Variants in FXR2 observed in about 807,000 individuals in gnomAD.
The protein encoded by FXR2 is RNA-binding protein FXR2.
A neutral mutation model predicts 87.3 loss-of-function variants in FXR2; 9 were observed. That is an observed-to-expected ratio of 0.10 (90% CI 0.06 to 0.18). The LOEUF (loss-of-function observed/expected upper bound fraction) is 0.18. FXR2 is among the 10% of genes least tolerant of loss of function. The probability of loss-of-function intolerance (pLI) is 1.00; values close to 1 mark genes in which losing one functional copy is unlikely to be tolerated. For missense variants in FXR2, 661 were observed against 893.6 expected (o/e 0.74, Z 3.32); for synonymous variants, 331 against 328.3 (o/e 1.01, Z -0.09).
intron 7 of FXR2, among the ~76,000 whole-genome samples, chr17:7,598,899 A>C (rs2071729695): frequency 6.6e-6 from 1 of 152,164 alleles, no homozygotes; most frequent in African/African-American, 2.4e-5. Flanking sequence ...TAATCCCAGT[A>C]CTTTGGGAGG....
chr17:7,614,014 T>C, intron 1 of FXR2: 1 of 457,814 alleles, frequency 2.2e-6, no homozygotes, highest in Non-Finnish European at 4.4e-6. Flanking sequence ...GATGAAAGGA[T>C]CTTTTACGGG....
intron 1 of FXR2, among the ~76,000 whole-genome samples, chr17:7,609,615 C>G (rs1396541798): frequency 6.6e-6 from 1 of 151,864 alleles, no homozygotes; most frequent in East Asian, 1.9e-4. Context: ...GGTTTAATGC[C>G]AACTCCTACT....
chr17:7,606,645 C>T (rs964475351), intron 1 of FXR2, among the ~76,000 whole-genome samples: 40 of 152,054 alleles, frequency 2.6e-4, no homozygotes, highest in Non-Finnish European at 7.4e-5. Context: ...AGACAATAAT[C>T]GGAACACTAG....
intron 1 of FXR2, among the ~76,000 whole-genome samples, chr17:7,607,589 G>C (rs747521465): frequency 1.1e-4 from 17 of 151,614 alleles, no homozygotes; most frequent in Admixed American, 5.3e-4. Context: ...CACCACACCA[G>C]GCTAATTTTT....
At chr17:7,599,897 A>G (rs566435183) in intron 7 of FXR2, among the ~76,000 whole-genome samples, 72 of 152,184 alleles carry the variant, frequency 4.7e-4, no homozygotes, top group African/African-American at 1.7e-3. Flanking sequence ...AAAAACAAGA[A>G]ATATCCTTTT....
intron 1 of FXR2, 81 bp downstream of exon 1, chr17:7,614,371 C>A: frequency 9.5e-7 from 1 of 1,055,648 alleles, no homozygotes; most frequent in Non-Finnish European, 1.4e-6. Flanking sequence ...GCTCCAGAAG[C>A]TCGATCCCGC....
intron 1 of FXR2, among the ~76,000 whole-genome samples, chr17:7,612,293 T>C (rs2071872502): frequency 6.6e-6 from 1 of 152,140 alleles, no homozygotes; most frequent in East Asian, 1.9e-4. Flanking sequence ...AAGGAAAAGA[T>C]ACCAAGGTAA....
In FXR2 at chr17:7,603,908, G is replaced by A. The variant is rs111271632; in HGVS notation, c.301-3C>T. 2.1e-5 allele frequency: 34 copies of A among 1,613,702 alleles called. No homozygotes were observed. The highest frequency in any genetic ancestry group is 2.5e-5 in the Non-Finnish European group (30 of 1,179,808). On this transcript the variant is annotated splice_polypyrimidine_tract_variant and splice_region_variant and intron_variant, in intron 4 of 16. Coordinates refer to ENST00000250113, the MANE Select transcript of FXR2 (RefSeq NM_004860.4). ...GCAGCATATTCAATGACATAGAACT[G>A]GCACATGGTAAAAAAGGAGAAGTTG...
At chr17:7,614,095 T>C (rs944576773) in intron 1 of FXR2, 1 of 506,032 alleles carries the variant, frequency 2.0e-6, no homozygotes, top group Non-Finnish European at 3.8e-6. Flanking sequence ...GTGGGGAAGA[T>C]GTGATTAAGG....
At chr17:7,614,148 G>C (rs930557839) in intron 1 of FXR2, 5 of 613,882 alleles carry the variant, frequency 8.1e-6, no homozygotes, top group East Asian at 3.4e-5. Flanking sequence ...CAGTCAATTA[G>C]AAGCTGGGTA....
Position 7,593,417 on chromosome 17 carries a change from C to T in FXR2, c.1316G>A (p.Gly439Asp), listed in dbSNP as rs1295325944. The T allele has an allele frequency of 6.4e-7, 1 of 1,574,428 alleles. No homozygotes were observed. The change falls in exon 12 of 17, where the codon GGC (glycine) becomes GAC (aspartate). Residue 439 changes from glycine (G) to aspartate (D), a missense_variant. Physicochemically the swap from Gly to Asp is moderately conservative, Grantham distance 94. Coordinates refer to ENST00000250113, the MANE Select transcript of FXR2 (RefSeq NM_004860.4). The surrounding 1 kb of genome is among the most constrained non-coding windows in gnomAD (Gnocchi z 6.1). ...AACTGTCTCACCATAGGCAGGACCG[C>T]CTGTCCTCCGGCCACGGCCACGGCC... ...YGGRGRGRRT[G>D]GPAYGPSSDV...
intron 5 of FXR2, 140 bp downstream of exon 5, chr17:7,603,617 C>G (rs975685869): frequency 1.4e-5 from 9 of 664,700 alleles, no homozygotes; most frequent in Admixed American, 2.9e-5. Flanking sequence ...AACTAAGTGT[C>G]TTCTTAGCAA....
Position 7,603,882 on chromosome 17 carries a change from G to T in FXR2, c.324C>A (p.Ala108=). The T allele has an allele frequency of 6.2e-7, 1 of 1,614,000 alleles. No individual in the cohort carries two copies. The highest frequency in any genetic ancestry group is 2.2e-5 in the East Asian group (1 of 44,890). The stretch of plus-strand genomic sequence containing the variant: ...CAATTTCATTGTAGGTGGCATCACA[G>T]GCAGCATATTCAATGACATAGAACT... ...KGDFYVIEYA[A]CDATYNEIVT... Residue 108 remains alanine, a synonymous_variant, in exon 5 of 17, where the codon GCC becomes GCA. Transcript: ENST00000250113.
rs376313217 is a variant in FXR2 at position 7,593,480 on chromosome 17, G to A, written c.1253C>T (p.Ser418Phe). The A allele has an allele frequency of 4.4e-6, 7 of 1,587,142 alleles. No individual in the cohort carries two copies. In the African/African-American group the frequency reaches 9.4e-5, roughly 21 times the overall value. Residue 418 changes from serine (S) to phenylalanine (F), a missense_variant, in exon 12 of 17, where the codon TCC becomes TTC. By Grantham distance (155) the Ser-to-Phe change is radical. Around this residue, in one of 3 missense-constraint regions of FXR2, gnomAD observed 409 missense variants for 432.0 expected, o/e 0.95. Transcript: ENST00000250113. This position sits in a 1 kb window ranked among gnomAD's most constrained non-coding sequence, Gnocchi z 6.1. ...CCCATAGGTTCGAGTCGCATGGAGG[G>A]AGGAGGAGGAGCTCTCATCAGTGCT... ...GYSTDESSSS[S>F]LHATRTYGGS... is the part of the protein sequence containing the mutation.
rs2071689039 is a variant in FXR2, at chr17:7,594,076, C to T, written c.1021-72G>A. The T allele has an allele frequency of 9.5e-7, 1 of 1,055,992 alleles. No individual in the cohort carries two copies. The highest frequency in any genetic ancestry group is 1.3e-5 in the South Asian group (1 of 79,188). The allele number at this position is 1,055,992 out of a possible 1,614,324, so 65.4% of individuals were successfully genotyped here. A position where few individuals can be genotyped will look rare whatever the true frequency, so the allele number is the denominator to read the frequency against. ...TGGAAGGATTAACGCCGCCCAGTCT[C>T]CTAGGGGAGCCTGCCCAGTGGGATC... On this transcript the variant is annotated intron_variant, in intron 10 of 16. Coordinates refer to ENST00000250113, the MANE Select transcript of FXR2 (RefSeq NM_004860.4). The surrounding 1 kb of genome is among the most constrained non-coding windows in gnomAD (Gnocchi z 5.1).
intron 7 of FXR2, among the ~76,000 whole-genome samples, chr17:7,597,726 G>A (rs1184210255): frequency 6.6e-6 from 1 of 151,952 alleles, no homozygotes; most frequent in Non-Finnish European, 1.5e-5. Context: ...GGTTTTTAGA[G>A]GCTTCACTAC....
Position 7,592,116 on chromosome 17 carries a change from C to T in FXR2, c.1926+138G>A, listed in dbSNP as rs1255846800. 3 of 1,490,914 alleles carry T rather than the reference C, an allele frequency of 2.0e-6. No homozygotes were observed. Among genetic ancestry groups the T allele is most frequent in the East Asian group, 2.3e-5 (1 of 42,892 alleles). The allele number at this position is 1,490,914 out of a possible 1,614,324, so 92.4% of individuals were successfully genotyped here. On this transcript the variant is annotated intron_variant, in intron 16 of 16. Transcript: ENST00000250113. The surrounding 1 kb of genome is among the most constrained non-coding windows in gnomAD (Gnocchi z 4.8). Reference sequence around the variant, plus strand: ...ACCACACTTTCTTCTCTATCCTATTCAAAGTTTACACTGGTCTAAACTCCA... The same window carrying T: ...ACCACACTTTCTTCTCTATCCTATTTAAAGTTTACACTGGTCTAAACTCCA...
At chr17:7,597,447 C>T (rs12936934) in intron 7 of FXR2, among the ~76,000 whole-genome samples, 24,529 of 151,018 alleles carry the variant, frequency 0.16, 2,075 homozygotes, top group Non-Finnish European at 0.19. Flanking sequence ...GACCTATAAG[C>T]GTCTTCTAGA....
At chr17:7,602,837 C>T (rs1368188493) in intron 6 of FXR2, 72 bp downstream of exon 6, 2 of 760,772 alleles carry the variant, frequency 2.6e-6, no homozygotes, top group South Asian at 1.6e-5. Flanking sequence ...TCTCTTTCTG[C>T]AAAAGGGTTA....
Sources: allele counts gnomAD v4.1 joint callset (sites outside exome capture counted in the v4.1 genomes callset), GRCh38; gene constraint gnomAD v4.1.1; regional missense constraint gnomAD v4.1.1; non-coding constraint Gnocchi (gnomAD v3.1); transcripts MANE v1.5; gene names NCBI Gene and HGNC (gene_info 2026-07-23, HGNC 2026-07-21).